GPD1L: variants seen among roughly 807,000 people sequenced by gnomAD.
The protein encoded by GPD1L is glycerol-3-phosphate dehydrogenase 1 like.
In GPD1L, 17 loss-of-function variants were observed where a neutral mutation model predicts 32.9. The observed-to-expected ratio is 0.52, with a 90% CI of 0.35 to 0.78. GPD1L has a LOEUF of 0.78. GPD1L is among the 30% of genes least tolerant of loss of function. GPD1L has a pLI of 0.01. For synonymous variants in GPD1L, 187 were observed against 165.9 expected, an observed-to-expected ratio of 1.13 and a Z score of -0.98; for missense variants, 361 against 447.8, an observed-to-expected ratio of 0.81 and a Z score of 1.75.
chr3:32,119,761 A>G (rs1280908333), intron 1 of GPD1L, among the ~76,000 whole-genome samples: 1 of 152,162 alleles, frequency 6.6e-6, no homozygotes, highest in Non-Finnish European at 1.5e-5. Flanking sequence ...ATGTTATTTA[A>G]ACCACAAAGG....
At chr3:32,109,053 G>A (rs1193444171) in intron 1 of GPD1L, among the ~76,000 whole-genome samples, 1 of 152,112 alleles carries the variant, frequency 6.6e-6, no homozygotes, top group East Asian at 1.9e-4. Context: ...GTTTCACCAT[G>A]TTAGCCAGGA....
chr3:32,109,869 T>C (rs1172740186), intron 1 of GPD1L, among the ~76,000 whole-genome samples: 3 of 152,272 alleles, frequency 2.0e-5, no homozygotes, highest in Admixed American at 1.3e-4. Context: ...CCAAGTGGAA[T>C]GGAGTAACTG....
intron 7 of GPD1L, among the ~76,000 whole-genome samples, chr3:32,161,837 G>A (rs912675656): frequency 4.6e-5 from 7 of 152,200 alleles, no homozygotes; most frequent in Admixed American, 3.9e-4. Context: ...TGGATTGGAC[G>A]TGGCAGCACC....
chr3:32,116,150 G>A (rs2125470590), intron 1 of GPD1L, among the ~76,000 whole-genome samples: 1 of 152,204 alleles, frequency 6.6e-6, no homozygotes, highest in East Asian at 1.9e-4. Flanking sequence ...AGTGCCTTTT[G>A]TAGACTGTAC....
chr3:32,115,290 T>C (rs1364982605), intron 1 of GPD1L, among the ~76,000 whole-genome samples: 2 of 152,110 alleles, frequency 1.3e-5, no homozygotes, highest in Non-Finnish European at 2.9e-5. Context: ...GGTGTGTTTT[T>C]CCAGAGTACT....
In GPD1L at chr3:32,168,377, T is replaced by C. The variant is rs944224872; in HGVS notation, c.*2467T>C. On this transcript the variant is annotated 3_prime_UTR_variant, in exon 8 of 8. Coordinates refer to ENST00000282541, the MANE Select transcript of GPD1L (RefSeq NM_015141.4). Reference sequence around the variant, plus strand: ...AGATTAGCAGCTCAATTTGTACTACTTCAGCCAATCTGTGAATGTAAAAAC... The same window carrying C: ...AGATTAGCAGCTCAATTTGTACTACCTCAGCCAATCTGTGAATGTAAAAAC... 2 of 152,672 alleles carry C rather than the reference T, an allele frequency of 1.3e-5. No homozygotes were observed. The highest frequency in any genetic ancestry group is 4.1e-4 in the South Asian group (2 of 4,836). The allele number at this position is 152,672 out of a possible 1,614,324, so 9.5% of individuals were successfully genotyped here.
intron 2 of GPD1L, among the ~76,000 whole-genome samples, chr3:32,133,884 C>G (rs1309560633): frequency 1.3e-5 from 2 of 152,200 alleles, no homozygotes; most frequent in African/African-American, 4.8e-5. Context: ...ACTTCACCAG[C>G]TTTGTTTCCA....
chr3:32,156,616 TG>T (rs1195382601), intron 5 of GPD1L, among the ~76,000 whole-genome samples: 1 of 152,106 alleles, frequency 6.6e-6, no homozygotes, highest in Non-Finnish European at 1.5e-5. Context: ...CCCAATTGGA[TG>T]TTTTTTTTCA....
At position 32,166,231 on chromosome 3, in the gene GPD1L, G is replaced by A. The variant is rs1201958292; in HGVS notation, c.*321G>A. ...CAATCGTAGCTTATAAGATTGGAAC[G>A]ATCTCAGCCAAATATTTTAGGTGTA... On this transcript the variant is annotated 3_prime_UTR_variant, in exon 8 of 8. Coordinates refer to ENST00000282541, the MANE Select transcript of GPD1L (RefSeq NM_015141.4). 3.1e-5 allele frequency: 12 copies of A among 382,930 alleles called. No individual in the cohort carries two copies. The highest frequency in any genetic ancestry group is 8.1e-4 in the Middle Eastern group (1 of 1,228). 23.7% of individuals were successfully genotyped at this position (382,930 alleles called of 1,614,324 possible). A position where few individuals can be genotyped will look rare whatever the true frequency, so the allele number is the denominator to read the frequency against.
rs79878203 is a variant in GPD1L, at chr3:32,163,704, T to C, written c.960-2110T>C. Among the ~76,000 whole-genome samples the C allele has an allele frequency of 0.023, 3,552 of 152,284 alleles. 305 individuals carry two copies. The East Asian group carries it at 0.25, about 11-fold the overall frequency. On this transcript the variant is annotated intron_variant, in intron 7 of 7. Coordinates refer to ENST00000282541, the MANE Select transcript of GPD1L (RefSeq NM_015141.4). ...CAATATTTTCTACCTCATGGGGTGA[T>C]TGTAAGGATTAAACAAGTTACTCGT...
chr3:32,114,470 T>C (rs1205241225), intron 1 of GPD1L, among the ~76,000 whole-genome samples: 1 of 152,234 alleles, frequency 6.6e-6, no homozygotes, highest in East Asian at 1.9e-4. Flanking sequence ...TTTTATATTA[T>C]GATGGAGGAT....
intron 7 of GPD1L, among the ~76,000 whole-genome samples, chr3:32,161,908 C>T (rs11129498): frequency 0.075 from 11,380 of 152,204 alleles, 742 homozygotes; most frequent in East Asian, 0.35. Context: ...GTACCACCTG[C>T]CTCCCAAAGG....
chr3:32,124,931 A>C (rs1405892271), intron 1 of GPD1L, among the ~76,000 whole-genome samples: 2 of 152,104 alleles, frequency 1.3e-5, no homozygotes, highest in African/African-American at 4.8e-5. Context: ...TCAAACAAAC[A>C]AACAGAGAGA....
At chr3:32,116,884 C>T (rs778747725) in intron 1 of GPD1L, among the ~76,000 whole-genome samples, 2 of 152,164 alleles carry the variant, frequency 1.3e-5, no homozygotes, top group Non-Finnish European at 2.9e-5. Flanking sequence ...GTATTGTCAT[C>T]ATCCTTATTT....
intron 5 of GPD1L, 195 bp from the exon 6 acceptor site, chr3:32,158,681 G>C (rs566211671): frequency 1.1e-4 from 133 of 1,248,478 alleles, no homozygotes; most frequent in Non-Finnish European, 1.4e-4. Flanking sequence ...CTAGAAAGGG[G>C]AATATGGAAG....
chr3:32,107,647 C>T (rs1006871006), intron 1 of GPD1L, among the ~76,000 whole-genome samples: 1 of 152,068 alleles, frequency 6.6e-6, no homozygotes, highest in Non-Finnish European at 1.5e-5. Flanking sequence ...TTCTGTTTAC[C>T]GGTTTTTCTG....
Position 32,106,702 on chromosome 3 carries a change from C to A in GPD1L, c.-10C>A. On this transcript the variant is annotated 5_prime_UTR_variant, in exon 1 of 8. Coordinates refer to ENST00000282541, the MANE Select transcript of GPD1L (RefSeq NM_015141.4). The surrounding 1 kb of genome is among the most constrained non-coding windows in gnomAD (Gnocchi z 4.0). ...GAAGCACGGTCCAGGCGGCTACATT[C>A]GGCCCGGCCATGGCAGCGGCGCCCC... 2 of 1,557,952 alleles carry A rather than the reference C, an allele frequency of 1.3e-6. No individual in the cohort carries two copies. The highest frequency in any genetic ancestry group is 1.7e-6 in the Non-Finnish European group (2 of 1,153,428).
chr3:32,122,659 T>C (rs950714611), intron 1 of GPD1L, among the ~76,000 whole-genome samples: 3 of 152,156 alleles, frequency 2.0e-5, no homozygotes, highest in Non-Finnish European at 4.4e-5. Context: ...TGACCTTTGC[T>C]CCGGGGGCCT....
intron 7 of GPD1L, among the ~76,000 whole-genome samples, chr3:32,163,488 A>T (rs951812157): frequency 3.3e-5 from 5 of 152,142 alleles, no homozygotes; most frequent in African/African-American, 7.2e-5. Flanking sequence ...TCATTTTTTT[A>T]AATGAAATGT....
Sources: gnomAD v4.1 joint callset for allele counts (sites outside exome capture counted in the v4.1 genomes callset) on GRCh38, gnomAD v4.1.1 for gene constraint, Gnocchi (gnomAD v3.1) non-coding constraint, MANE v1.5 for transcripts, NCBI Gene and HGNC (gene_info 2026-07-23, HGNC 2026-07-21) for gene names.